MAPK8: variants seen among roughly 807,000 people sequenced by gnomAD.
MAPK8 encodes the protein JUN N-terminal kinase.
MAPK8 carries 13 observed loss-of-function variants against 52.9 expected under a neutral mutation model. The observed-to-expected ratio is 0.25, with a 90% CI of 0.16 to 0.39. The LOEUF (loss-of-function observed/expected upper bound fraction) is 0.39, where lower values mean the gene tolerates loss of function less well. MAPK8 is among the 10% of genes least tolerant of loss of function. The pLI is 1.00. For synonymous variants in MAPK8, 191 were observed against 169.8 expected, an observed-to-expected ratio of 1.12 and a Z score of -0.97; for missense variants, 300 against 519.2, an observed-to-expected ratio of 0.58 and a Z score of 4.10.
intron 2 of MAPK8, among the ~76,000 whole-genome samples, chr10:48,404,279 C>G (rs2042336764): frequency 1.3e-5 from 2 of 151,748 alleles, no homozygotes; most frequent in Admixed American, 1.3e-4. Flanking sequence ...GCCTTAGCCT[C>G]TCAAGTAGCT....
intron 1 of MAPK8, among the ~76,000 whole-genome samples, chr10:48,318,688 T>G (rs1465078632): frequency 6.6e-6 from 1 of 151,722 alleles, no homozygotes; most frequent in Non-Finnish European, 1.5e-5. Flanking sequence ...AGTTAAAGAG[T>G]CTGAGGTATT....
At chr10:48,343,902 TTGC>T in intron 1 of MAPK8, among the ~76,000 whole-genome samples, 1 of 152,226 alleles carries the variant, frequency 6.6e-6, no homozygotes, top group Non-Finnish European at 1.5e-5. Context: ...CTTTGTCCAT[TTGC>T]ACTTGGATAT....
At chr10:48,419,195 T>A (rs190746606) in intron 5 of MAPK8, among the ~76,000 whole-genome samples, 1 of 152,362 alleles carries the variant, frequency 6.6e-6, no homozygotes, top group Admixed American at 6.5e-5. Context: ...CTTTTCTGTA[T>A]GTTAACATTA....
intron 1 of MAPK8, among the ~76,000 whole-genome samples, chr10:48,379,414 A>G (rs1464095989): frequency 1.3e-5 from 2 of 152,212 alleles, no homozygotes; most frequent in African/African-American, 4.8e-5. Context: ...AGTGTCTCCA[A>G]TGCGTCCTCT....
At chr10:48,384,384 A>T (rs1226292160) in intron 1 of MAPK8, among the ~76,000 whole-genome samples, 1 of 152,234 alleles carries the variant, frequency 6.6e-6, no homozygotes, top group Non-Finnish European at 1.5e-5. Context: ...ACAAATGAAG[A>T]TTTCTTTTGT....
At chr10:48,331,353 T>C (rs1350884535) in intron 1 of MAPK8, among the ~76,000 whole-genome samples, 1 of 152,244 alleles carries the variant, frequency 6.6e-6, no homozygotes, top group African/African-American at 2.4e-5. Flanking sequence ...AGTTTCCATT[T>C]TGACCTTCTG....
At chr10:48,319,514 A>G (rs1470520394) in intron 1 of MAPK8, among the ~76,000 whole-genome samples, 2 of 151,930 alleles carry the variant, frequency 1.3e-5, no homozygotes. Flanking sequence ...TTTTGAGATG[A>G]CGTCTTGCTC....
intron 1 of MAPK8, among the ~76,000 whole-genome samples, chr10:48,354,808 A>C (rs1846699705): frequency 6.6e-6 from 1 of 152,040 alleles, no homozygotes; most frequent in African/African-American, 2.4e-5. Context: ...AAAAAACAGA[A>C]AAAGAATTCC....
intron 1 of MAPK8, among the ~76,000 whole-genome samples, chr10:48,342,190 A>G (rs1311895905): frequency 1.3e-5 from 2 of 152,252 alleles, no homozygotes; most frequent in South Asian, 2.1e-4. Context: ...CACAGCCTCA[A>G]CTTCCCAGGC....
At chr10:48,311,849 C>A (rs1050639260) in intron 1 of MAPK8, among the ~76,000 whole-genome samples, 3 of 152,188 alleles carry the variant, frequency 2.0e-5, no homozygotes, top group Non-Finnish European at 2.9e-5. Flanking sequence ...TCAAGAGCAT[C>A]TACTATGAGA....
At chr10:48,397,617 G>A (rs1317970105) in intron 1 of MAPK8, among the ~76,000 whole-genome samples, 1 of 152,096 alleles carries the variant, frequency 6.6e-6, no homozygotes, top group Admixed American at 6.5e-5. Context: ...TTGAGACAGA[G>A]TCTCATTCTG....
intron 1 of MAPK8, among the ~76,000 whole-genome samples, chr10:48,315,101 G>A (rs929229174): frequency 4.6e-5 from 7 of 152,090 alleles, no homozygotes; most frequent in African/African-American, 1.7e-4. Flanking sequence ...TTTTCTGCTA[G>A]GTCTAATTCC....
At chr10:48,367,965 T>C (rs1019587293) in intron 1 of MAPK8, among the ~76,000 whole-genome samples, 1 of 152,166 alleles carries the variant, frequency 6.6e-6, no homozygotes, top group Non-Finnish European at 1.5e-5. Flanking sequence ...TTAAATTAAC[T>C]TATATTACAA....
intron 1 of MAPK8, among the ~76,000 whole-genome samples, chr10:48,368,764 A>G (rs959966781): frequency 7.2e-5 from 11 of 152,238 alleles, no homozygotes; most frequent in African/African-American, 2.7e-4. Flanking sequence ...AGGATTCAGC[A>G]TATGCAGAGG....
intron 1 of MAPK8, among the ~76,000 whole-genome samples, chr10:48,356,490 A>G (rs1009132666): frequency 3.9e-5 from 6 of 152,190 alleles, no homozygotes; most frequent in Non-Finnish European, 8.8e-5. Flanking sequence ...CATTAACTAC[A>G]TTAAATGTAA....
chr10:48,425,451 C>G, intron 7 of MAPK8: 2 of 420,504 alleles, frequency 4.8e-6, no homozygotes, highest in Non-Finnish European at 8.4e-6. Context: ...GTGTAGAAAA[C>G]TCAGTAAAAC....
chr10:48,363,764 A>G (rs1208441648), intron 1 of MAPK8, among the ~76,000 whole-genome samples: 1 of 152,126 alleles, frequency 6.6e-6, no homozygotes, highest in Admixed American at 6.5e-5. Context: ...CTTTGCTTGT[A>G]GTTTCTACTT....
At chr10:48,336,594 C>T (rs563387877) in intron 1 of MAPK8, among the ~76,000 whole-genome samples, 18 of 152,228 alleles carry the variant, frequency 1.2e-4, no homozygotes, top group African/African-American at 4.1e-4. Context: ...ATTTATTCAT[C>T]AGTTCATTGA....
At chr10:48,421,201 CT>C (rs1487353977) in intron 6 of MAPK8, among the ~76,000 whole-genome samples, 1 of 152,086 alleles carries the variant, frequency 6.6e-6, no homozygotes, top group African/African-American at 2.4e-5. Flanking sequence ...TTTTAAGATT[CT>C]TTTTTTATAA....
Sources: allele counts gnomAD v4.1 joint callset (sites outside exome capture counted in the v4.1 genomes callset), GRCh38; gene constraint gnomAD v4.1.1; transcripts MANE v1.5; gene names NCBI Gene and HGNC (gene_info 2026-07-23, HGNC 2026-07-21).